Variants in UBASH3B observed in about 807,000 individuals in gnomAD.
UBASH3B encodes the protein ubiquitin associated and SH3 domain containing B.
UBASH3B carries 37 observed loss-of-function variants against 83.4 expected under a neutral mutation model. The observed-to-expected ratio is 0.44, with a 90% CI of 0.34 to 0.58. UBASH3B has a LOEUF of 0.58. Ranked by LOEUF, UBASH3B falls within the 20% of genes least tolerant of loss-of-function variation. The pLI is 0.01. For missense variants in UBASH3B, 657 were observed against 827.2 expected (o/e 0.79, Z 2.52); for synonymous variants, 304 against 318.3 (o/e 0.96, Z 0.48).
In UBASH3B at chr11:122,806,382, AT is replaced by A. The variant is rs1555149231; in HGVS notation, c.1596-25del. On this transcript the variant is annotated intron_variant, in intron 11 of 13. Transcript: ENST00000284273. The surrounding 1 kb of genome is among the most constrained non-coding windows in gnomAD (Gnocchi z 4.0). ...TTTGTCTCAAGATCAAAATGTTTTC[AT>A]TTCCTTTGTTCATTTTTCTATTACA... 1.3e-6 allele frequency: 2 copies of A among 1,568,366 alleles called. No individual in the cohort carries two copies. Among genetic ancestry groups the A allele is most frequent in the African/African-American group, 2.8e-5 (2 of 72,658 alleles).
rs1478892906 is a variant in UBASH3B, at chr11:122,794,767, G to A, written c.1046G>A (p.Arg349Lys). The change falls in exon 7 of 14, where the codon AGG becomes AAG. Residue 349 changes from arginine to lysine, a missense_variant. Around this residue, in one of 3 missense-constraint regions of UBASH3B, gnomAD observed 573 missense variants for 739.0 expected, o/e 0.78. Transcript: ENST00000284273. ...ACGTTTGGGGATGGAGTATTGGAGA[G>A]GCGGCCTTATGAGGACCAGGGGCTC... The part of the protein sequence containing the change: ...SLTFGDGVLE[R>K]RPYEDQGLGE... The A allele has an allele frequency of 6.2e-7, 1 of 1,613,998 alleles. No homozygotes were observed. The highest frequency in any genetic ancestry group is 1.3e-5 in the African/African-American group (1 of 74,884).
Position 122,809,796 on chromosome 11 carries a change from A to C in UBASH3B, c.1860A>C (p.Gly620=), listed in dbSNP as rs890479892. 1.2e-6 allele frequency: 2 copies of C among 1,614,082 alleles called. No homozygotes were observed. Among genetic ancestry groups the C allele is most frequent in the African/African-American group, 2.7e-5 (2 of 74,936 alleles). Residue 620 remains glycine (G), a synonymous_variant, in exon 14 of 14, where the codon GGA becomes GGC. Transcript: ENST00000284273. The stretch of plus-strand genomic sequence containing the variant: ...CCTGTGAAGAATTAGGAGAAACTGG[A>C]ATATGGCAGCTGACAGATCCACCAA... ...FCSCEELGET[G]IWQLTDPPIL... is the part of the protein sequence containing the mutation.
At chr11:122,697,963 C>T (rs951443262) in intron 1 of UBASH3B, among the ~76,000 whole-genome samples, 1 of 152,144 alleles carries the variant, frequency 6.6e-6, no homozygotes, top group Non-Finnish European at 1.5e-5. Context: ...AGCACTGGGG[C>T]GTGGCGATGT....
At chr11:122,794,419 C>T (rs1386240309) in intron 6 of UBASH3B, among the ~76,000 whole-genome samples, 3 of 152,160 alleles carry the variant, frequency 2.0e-5, no homozygotes, top group Non-Finnish European at 2.9e-5. Context: ...ATTGGCCAGG[C>T]TGGTCTCAAA....
chr11:122,701,369 A>T (rs551358692), intron 1 of UBASH3B, among the ~76,000 whole-genome samples: 1 of 152,358 alleles, frequency 6.6e-6, no homozygotes, highest in African/African-American at 2.4e-5. Context: ...AGTGGGAGAA[A>T]TTACATAGCA....
chr11:122,709,705 C>G, intron 1 of UBASH3B, among the ~76,000 whole-genome samples: 1 of 152,190 alleles, frequency 6.6e-6, no homozygotes, highest in East Asian at 1.9e-4. Flanking sequence ...ATTATCTAAT[C>G]TAAGGCTTTT....
intron 1 of UBASH3B, among the ~76,000 whole-genome samples, chr11:122,709,812 T>C (rs1864167245): frequency 6.6e-6 from 1 of 152,098 alleles, no homozygotes; most frequent in Non-Finnish European, 1.5e-5. Flanking sequence ...AACCTGTTTT[T>C]GGTTTATGTG....
chr11:122,789,264 T>G lies in UBASH3B; in HGVS notation c.936T>G (p.Asn312Lys). ...GCTGCTCTGGACTCCTGCCTGAGAATTACATTACCAAGGCTGATGAATGCA... is the reference window on the plus strand; with the variant it reads ...GCTGCTCTGGACTCCTGCCTGAGAAGTACATTACCAAGGCTGATGAATGCA... ...TTGCSGLLPE[N>K]YITKADECST... The change falls in exon 6 of 14, where the codon AAT becomes AAG. Residue 312 changes from asparagine to lysine, a missense_variant. Asn to Lys is a moderately conservative substitution (Grantham distance 94, BLOSUM62 0). Coordinates refer to ENST00000284273, the MANE Select transcript of UBASH3B (RefSeq NM_032873.5). 1 of 1,614,166 alleles carries G rather than the reference T, an allele frequency of 6.2e-7. No individual in the cohort carries two copies. The highest frequency in any genetic ancestry group is 1.3e-5 in the African/African-American group (1 of 75,040).
At chr11:122,789,861 A>G (rs1861020708) in intron 6 of UBASH3B, among the ~76,000 whole-genome samples, 1 of 152,014 alleles carries the variant, frequency 6.6e-6, no homozygotes, top group Non-Finnish European at 1.5e-5. Flanking sequence ...AAAGGGGTCC[A>G]TTTCCCCCCT....
intron 5 of UBASH3B, among the ~76,000 whole-genome samples, chr11:122,783,810 T>C (rs986450021): frequency 5.9e-5 from 9 of 152,180 alleles, no homozygotes; most frequent in Admixed American, 2.6e-4. Flanking sequence ...CACATCCCAG[T>C]GGGAGGCCTG....
At chr11:122,791,581 C>T (rs1010597679) in intron 6 of UBASH3B, among the ~76,000 whole-genome samples, 1 of 152,206 alleles carries the variant, frequency 6.6e-6, no homozygotes, top group South Asian at 2.1e-4. Flanking sequence ...CTGCACTTTC[C>T]TATTTAACCC....
At chr11:122,733,423 G>A (rs1173138172) in intron 1 of UBASH3B, among the ~76,000 whole-genome samples, 2 of 152,182 alleles carry the variant, frequency 1.3e-5, no homozygotes, top group South Asian at 2.1e-4. Context: ...GTATGTCAAC[G>A]ATAAGTCACT....
intron 1 of UBASH3B, among the ~76,000 whole-genome samples, chr11:122,736,514 G>A (rs1860934598): frequency 6.6e-6 from 1 of 150,612 alleles, no homozygotes; most frequent in Non-Finnish European, 1.5e-5. Context: ...AGGGCTAGGG[G>A]AACACAGAGA....
rs76200117 is a variant in UBASH3B at position 122,803,171 on chromosome 11, G to A, written c.1595+1839G>A. 9.4e-3 allele frequency among the ~76,000 whole-genome samples: 1,433 copies of A among 152,276 alleles called. 7 individuals are homozygous for A. Among genetic ancestry groups the A allele is most frequent in the Non-Finnish European group, 0.012 (793 of 68,018 alleles). On this transcript the variant is annotated intron_variant, in intron 11 of 13. Transcript: ENST00000284273. ...TCAATTCAACCATTTTCTGTTTGGC[G>A]AGGGAGTTGGGGTAGGAGATGAAGC...
At position 122,796,145 on chromosome 11, in the gene UBASH3B, T is replaced by A. The variant is rs751824851; in HGVS notation, c.1114-11T>A. The A allele has an allele frequency of 6.2e-7, 1 of 1,613,978 alleles. No individual in the cohort carries two copies. Among genetic ancestry groups the A allele is most frequent in the East Asian group, 2.2e-5 (1 of 44,868 alleles). ...TGTGTGTCTTCACTAATAGCCTTTC[T>A]TTCTCTGCAGCCGCTGAGGGTCAAC... On this transcript the variant is annotated splice_polypyrimidine_tract_variant and intron_variant, in intron 7 of 13. Transcript: ENST00000284273.
At position 122,777,217 on chromosome 11, in the gene UBASH3B, G is replaced by A. The variant is rs574195620; in HGVS notation, c.402+7G>A. 120 of 1,605,366 alleles carry A rather than the reference G, an allele frequency of 7.5e-5. No individual in the cohort carries two copies. Among genetic ancestry groups the A allele is most frequent in the Middle Eastern group, 1.7e-4 (1 of 6,016 alleles). ...ACTCTGCCAGTTCTTTATGGTGAGCGGCAGCGCCCCCACCCCTGGGAAGCC... is the reference window on the plus strand; with the variant it reads ...ACTCTGCCAGTTCTTTATGGTGAGCAGCAGCGCCCCCACCCCTGGGAAGCC... On this transcript the variant is annotated splice_region_variant and intron_variant, in intron 3 of 13. Transcript: ENST00000284273.
intron 1 of UBASH3B, among the ~76,000 whole-genome samples, chr11:122,723,707 A>G (rs564439592): frequency 3.9e-5 from 6 of 152,328 alleles, no homozygotes; most frequent in African/African-American, 1.2e-4. Flanking sequence ...GGTAGAAACC[A>G]TGGGCCGGTG....
chr11:122,713,031 C>A (rs894325546), intron 1 of UBASH3B, among the ~76,000 whole-genome samples: 1 of 151,228 alleles, frequency 6.6e-6, no homozygotes, highest in African/African-American at 2.4e-5. Flanking sequence ...CCTCAGCCTC[C>A]CGAGTAGCTG....
chr11:122,683,266 G>A (rs1863766144), intron 1 of UBASH3B, among the ~76,000 whole-genome samples: 1 of 149,714 alleles, frequency 6.7e-6, no homozygotes, highest in South Asian at 2.1e-4. Flanking sequence ...AGTCTTAGAT[G>A]TATCATTTAG....
Sources: allele counts gnomAD v4.1 joint callset (sites outside exome capture counted in the v4.1 genomes callset), GRCh38; gene constraint gnomAD v4.1.1; regional missense constraint gnomAD v4.1.1; non-coding constraint Gnocchi (gnomAD v3.1); transcripts MANE v1.5; gene names NCBI Gene and HGNC (gene_info 2026-07-23, HGNC 2026-07-21).